Variants in ANO3 observed in about 807,000 individuals in gnomAD.
ANO3 encodes anoctamin-3.
Under a neutral mutation model 144.8 loss-of-function variants are expected in ANO3, and 99 were observed. The ratio of observed to expected loss-of-function variants is 0.68; its 90% CI spans 0.58 to 0.81. The LOEUF is 0.81. Ranked by LOEUF, ANO3 falls within the 30% of genes least tolerant of loss-of-function variation. The pLI is 0.00. For missense variants in ANO3, 905 were observed against 1,202.2 expected (o/e 0.75, Z 3.66); for synonymous variants, 414 against 392.6 (o/e 1.05, Z -0.64).
chr11:26,263,257 A>G (rs1329925561), intron 1 of ANO3, among the ~76,000 whole-genome samples: 1 of 152,094 alleles, frequency 6.6e-6, no homozygotes, highest in African/African-American at 2.4e-5. Flanking sequence ...AGTCAAATTA[A>G]CCAGTCTTTC....
chr11:26,546,043 T>A (rs2134214556), intron 11 of ANO3, among the ~76,000 whole-genome samples: 1 of 152,104 alleles, frequency 6.6e-6, no homozygotes, highest in East Asian at 1.9e-4. Context: ...TAGATAATAC[T>A]GTCTATATCA....
At chr11:26,277,646 C>T (rs1281439648) in intron 1 of ANO3, among the ~76,000 whole-genome samples, 1 of 151,918 alleles carries the variant, frequency 6.6e-6, no homozygotes, top group Non-Finnish European at 1.5e-5. Context: ...TAGGCTGTTC[C>T]TTCTGCTTGA....
intron 17 of ANO3, among the ~76,000 whole-genome samples, chr11:26,610,233 C>T (rs1448182696): frequency 4.6e-5 from 7 of 151,820 alleles, no homozygotes. Context: ...TTGATTCTAG[C>T]CATTCTAACT....
At chr11:26,652,125 A>G (rs1290758717) in intron 24 of ANO3, among the ~76,000 whole-genome samples, 1 of 152,190 alleles carries the variant, frequency 6.6e-6, no homozygotes, top group Non-Finnish European at 1.5e-5. Context: ...TCTACTCTGC[A>G]CTGCACTCAT....
At chr11:26,561,810 T>C (rs1850305855) in intron 14 of ANO3, among the ~76,000 whole-genome samples, 1 of 151,960 alleles carries the variant, frequency 6.6e-6, no homozygotes, top group Non-Finnish European at 1.5e-5. Flanking sequence ...AAATAGTCAT[T>C]ATTTCCTAAA....
At chr11:26,610,186 C>G (rs943380546) in intron 17 of ANO3, among the ~76,000 whole-genome samples, 1 of 152,194 alleles carries the variant, frequency 6.6e-6, no homozygotes, top group African/African-American at 2.4e-5. Context: ...GCTGGGATTA[C>G]AGGCGTAAGC....
intron 17 of ANO3, among the ~76,000 whole-genome samples, chr11:26,609,250 G>A (rs2132958768): frequency 6.6e-6 from 1 of 152,290 alleles, no homozygotes; most frequent in Non-Finnish European, 1.5e-5. Flanking sequence ...ACTCAGTGGA[G>A]CACACCAGCC....
intron 1 of ANO3, among the ~76,000 whole-genome samples, chr11:26,339,227 T>C (rs1855285410): frequency 6.6e-6 from 1 of 151,868 alleles, no homozygotes; most frequent in African/African-American, 2.4e-5. Flanking sequence ...CGATCTCGGC[T>C]CACTGAAACC....
chr11:26,314,291 G>T (rs1253029303), intron 1 of ANO3, among the ~76,000 whole-genome samples: 1 of 152,226 alleles, frequency 6.6e-6, no homozygotes, highest in East Asian at 1.9e-4. Context: ...TTTTCCAGCT[G>T]CATGATTTTA....
At chr11:26,615,562 G>A (rs886666969) in intron 17 of ANO3, among the ~76,000 whole-genome samples, 1 of 151,738 alleles carries the variant, frequency 6.6e-6, no homozygotes, top group Non-Finnish European at 1.5e-5. Flanking sequence ...TTTTAAATGA[G>A]GGACATAAAA....
chr11:26,532,311 G>A (rs1477342821), intron 8 of ANO3, among the ~76,000 whole-genome samples: 2 of 152,152 alleles, frequency 1.3e-5, no homozygotes, highest in Admixed American at 6.5e-5. Flanking sequence ...GCTTTAGAGA[G>A]AGGTGAGAGT....
chr11:26,258,077 T>G (rs1460196215), intron 1 of ANO3, among the ~76,000 whole-genome samples: 1 of 152,146 alleles, frequency 6.6e-6, no homozygotes, highest in Non-Finnish European at 1.5e-5. Flanking sequence ...GATTTAGGAC[T>G]GTTAATAACA....
chr11:26,538,470 T>C (rs404583), intron 10 of ANO3, among the ~76,000 whole-genome samples: 108,156 of 152,076 alleles, frequency 0.71, 38,766 homozygotes, highest in East Asian at 0.84. Context: ...GTAAATCTTA[T>C]TATTCTTATT....
intron 1 of ANO3, among the ~76,000 whole-genome samples, chr11:26,263,105 C>T (rs1853229300): frequency 6.6e-6 from 1 of 152,160 alleles, no homozygotes; most frequent in Non-Finnish European, 1.5e-5. Flanking sequence ...CCAGTGCTTC[C>T]TCTCGTTTCC....
intron 1 of ANO3, among the ~76,000 whole-genome samples, chr11:26,357,493 C>A (rs987675346): frequency 7.2e-5 from 11 of 151,742 alleles, no homozygotes; most frequent in Non-Finnish European, 1.5e-4. Flanking sequence ...ATCCATACAT[C>A]ATCCTTCATA....
intron 6 of ANO3, among the ~76,000 whole-genome samples, chr11:26,519,272 G>T (rs1861975654): frequency 6.6e-6 from 1 of 152,158 alleles, no homozygotes; most frequent in Non-Finnish European, 1.5e-5. Context: ...CAAAGAGAGA[G>T]CATGTCTTCC....
chr11:26,513,909 A>G (rs568493641), intron 5 of ANO3, among the ~76,000 whole-genome samples: 1 of 152,162 alleles, frequency 6.6e-6, no homozygotes, highest in African/African-American at 2.4e-5. Context: ...GAAAATGAGG[A>G]CTATATAGGT....
At chr11:26,454,505 T>C (rs918889373) in intron 3 of ANO3, among the ~76,000 whole-genome samples, 2 of 152,084 alleles carry the variant, frequency 1.3e-5, no homozygotes, top group Non-Finnish European at 2.9e-5. Context: ...TCAACATATA[T>C]GCTCTCCCAA....
intron 1 of ANO3, among the ~76,000 whole-genome samples, chr11:26,420,234 T>TG (rs1857712340): frequency 6.6e-6 from 1 of 152,186 alleles, no homozygotes; most frequent in South Asian, 2.1e-4. Flanking sequence ...CTTCTAAACA[T>TG]CTTAGAGTAC....
Sources: allele counts gnomAD v4.1 joint callset (sites outside exome capture counted in the v4.1 genomes callset), GRCh38; gene constraint gnomAD v4.1.1; transcripts MANE v1.5; gene names NCBI Gene and HGNC (gene_info 2026-07-23, HGNC 2026-07-21).